The following ELAPOR1 variants were observed in gnomAD, a reference collection of about 807,000 sequenced individuals.
The protein encoded by ELAPOR1 is endosome-lysosome associated apoptosis and autophagy regulator 1, also known as endosome/lysosome-associated apoptosis and autophagy regulator 1.
In ELAPOR1, 77 loss-of-function variants were observed where a neutral mutation model predicts 119.7. The observed-to-expected ratio is 0.64, with a 90% CI of 0.54 to 0.78. ELAPOR1 has a LOEUF of 0.78. Ranked by LOEUF, ELAPOR1 falls within the 30% of genes least tolerant of loss-of-function variation. The probability of loss-of-function intolerance (pLI) is 0.00; values close to 1 mark genes in which losing one functional copy is unlikely to be tolerated. For synonymous variants in ELAPOR1, 481 were observed against 487.2 expected, an observed-to-expected ratio of 0.99 and a Z score of 0.17; for missense variants, 1,115 against 1,270.4, an observed-to-expected ratio of 0.88 and a Z score of 1.86.
chr1:109,192,971 C>A, intron 14 of ELAPOR1, 97 bp downstream of exon 14: 1 of 1,348,244 alleles, frequency 7.4e-7, no homozygotes, highest in Non-Finnish European at 1.0e-6. Flanking sequence ...AGGCTGATAC[C>A]CGAGTGCTCC....
chr1:109,160,544 T>C (rs1396253564), intron 1 of ELAPOR1, among the ~76,000 whole-genome samples: 1 of 152,242 alleles, frequency 6.6e-6, no homozygotes, highest in African/African-American at 2.4e-5. Context: ...TGTGTTTACC[T>C]ATCCCCAAAA....
intron 2 of ELAPOR1, among the ~76,000 whole-genome samples, chr1:109,163,814 A>G (rs1038102293): frequency 6.6e-6 from 1 of 152,200 alleles, no homozygotes; most frequent in African/African-American, 2.4e-5. Flanking sequence ...TCCACCTAGC[A>G]TGGTGGCAGT....
chr1:109,132,124 T>G (rs1649185757), intron 1 of ELAPOR1, among the ~76,000 whole-genome samples: 2 of 152,208 alleles, frequency 1.3e-5, no homozygotes, highest in African/African-American at 2.4e-5. Flanking sequence ...AACTTATTCA[T>G]TTATTCAAAA....
intron 1 of ELAPOR1, 71 bp downstream of exon 1, chr1:109,114,407 C>T: frequency 6.9e-7 from 1 of 1,457,022 alleles, no homozygotes. Context: ...ACCTTGGGGA[C>T]CCAGGCGCAG....
rs771181312 is a variant in ELAPOR1 at position 109,197,589 on chromosome 1, C to T, written c.2237C>T (p.Pro746Leu). 33 of 1,614,098 alleles carry T rather than the reference C, an allele frequency of 2.0e-5. No individual in the cohort carries two copies. The highest frequency in any genetic ancestry group is 3.3e-4 in the Middle Eastern group (2 of 6,084). The part of the protein sequence containing the change: ...AYVCQAVIIP[P>L]EVTGYKAGVS... ...GTCTGCCAGGCAGTCATCATCCCCC[C>T]AGAGGTGACAGGCTACAAGGCCGGG... The change falls in exon 16 of 22, where the codon CCA (proline) becomes CTA (leucine). Residue 746 changes from proline (P) to leucine (L), a missense_variant. Physicochemically the swap from Pro to Leu is moderately conservative, Grantham distance 98. Transcript: ENST00000369939.
chr1:109,190,645 G>A (rs1047380688), intron 11 of ELAPOR1, among the ~76,000 whole-genome samples: 1 of 152,186 alleles, frequency 6.6e-6, no homozygotes, highest in African/African-American at 2.4e-5. Context: ...TGCAAGGTGA[G>A]CAAACTTTTT....
intron 2 of ELAPOR1, among the ~76,000 whole-genome samples, chr1:109,163,924 C>T (rs1427289439): frequency 6.6e-6 from 1 of 152,142 alleles, no homozygotes; most frequent in African/African-American, 2.4e-5. Flanking sequence ...TTGGCATCTT[C>T]TTCACCAGAG....
In ELAPOR1 at chr1:109,121,989, A is replaced by G. The variant is rs548186000; in HGVS notation, c.153+7653A>G. Among the ~76,000 whole-genome samples the G allele has an allele frequency of 1.9e-4, 29 of 151,280 alleles. No individual in the cohort carries two copies. The South Asian group carries it at 3.6e-3, about 19-fold the overall frequency. On this transcript the variant is annotated intron_variant, in intron 1 of 21. Coordinates refer to ENST00000369939, the MANE Select transcript of ELAPOR1 (RefSeq NM_020775.5). ...GGGTTACATCATATTGGCTAGGCTG[A>G]TCTCAAACTCCTGACCTTGTGATCC...
At chr1:109,201,213 C>T in intron 21 of ELAPOR1, 1 of 480,494 alleles carries the variant, frequency 2.1e-6, no homozygotes. Flanking sequence ...GAATCATCCC[C>T]TACTCCTTTT....
chr1:109,117,145 G>C (rs1448063893), intron 1 of ELAPOR1, among the ~76,000 whole-genome samples: 1 of 152,228 alleles, frequency 6.6e-6, no homozygotes, highest in Non-Finnish European at 1.5e-5. Flanking sequence ...GATGTAATCA[G>C]GAAACGGAGA....
At chr1:109,197,139 GAAA>G (rs35880289) in intron 15 of ELAPOR1, among the ~76,000 whole-genome samples, 5 of 132,702 alleles carry the variant, frequency 3.8e-5, no homozygotes, top group Non-Finnish European at 4.8e-5. Context: ...CTATCTTTAC[GAAA>G]AAAAAAAAAA....
chr1:109,118,900 C>CTTTTTT (rs777752743), intron 1 of ELAPOR1, among the ~76,000 whole-genome samples: 2,086 of 128,126 alleles, frequency 0.016, 134 homozygotes, highest in African/African-American at 0.06. Context: ...TTTGGTTCTT[C>CTTTTTT]TTTTTTTTTT....
chr1:109,145,130 G>A (rs543009802), intron 1 of ELAPOR1, among the ~76,000 whole-genome samples: 118 of 152,102 alleles, frequency 7.8e-4, no homozygotes, highest in Middle Eastern at 3.4e-3. Flanking sequence ...AATGGGATTA[G>A]GTACCCTTAT....
At chr1:109,115,204 A>G (rs1447231080) in intron 1 of ELAPOR1, among the ~76,000 whole-genome samples, 4 of 152,224 alleles carry the variant, frequency 2.6e-5, no homozygotes, top group Admixed American at 2.0e-4. Context: ...TTATTGAAAT[A>G]ACAATATTTG....
At chr1:109,172,465 G>A (rs751147022) in intron 4 of ELAPOR1, 23 bp from the exon 5 acceptor site, 1 of 1,586,954 alleles carries the variant, frequency 6.3e-7, no homozygotes. Context: ...TGAGACTCTG[G>A]TCCCAAACTC....
At chr1:109,122,544 C>A (rs1436713741) in intron 1 of ELAPOR1, among the ~76,000 whole-genome samples, 1 of 151,402 alleles carries the variant, frequency 6.6e-6, no homozygotes, top group East Asian at 2.0e-4. Flanking sequence ...GCCTGTAGAC[C>A]CAGACACTAG....
At chr1:109,176,322 GGAGA>G (rs1441899916) in intron 7 of ELAPOR1, among the ~76,000 whole-genome samples, 1 of 152,126 alleles carries the variant, frequency 6.6e-6, no homozygotes, top group Non-Finnish European at 1.5e-5. Context: ...AAACAAGAAG[GGAGA>G]GAGAAGCAGT....
rs768127993 is a variant in ELAPOR1, at chr1:109,205,031, C to G, written c.*2019C>G. ...TTCTGGTCCAATTTCTGGCAACATC[C>G]CTTCTGAAAGGTGAGTAGAGTGGGT... On this transcript the variant is annotated 3_prime_UTR_variant, in exon 22 of 22. Coordinates refer to ENST00000369939, the MANE Select transcript of ELAPOR1 (RefSeq NM_020775.5). 13 of 152,192 alleles carry G rather than the reference C, an allele frequency of 8.5e-5. No homozygotes were observed. The highest frequency in any genetic ancestry group is 1.5e-4 in the Non-Finnish European group (10 of 68,032). 9.4% of individuals were successfully genotyped at this position (152,192 alleles called of 1,614,324 possible).
intron 14 of ELAPOR1, among the ~76,000 whole-genome samples, 156 bp downstream of exon 14, chr1:109,193,030 G>C (rs1653552809): frequency 6.6e-6 from 1 of 152,074 alleles, no homozygotes; most frequent in African/African-American, 2.4e-5. Flanking sequence ...CATCCAGGCT[G>C]TGACTGTGGA....
Sources: allele counts gnomAD v4.1 joint callset (sites outside exome capture counted in the v4.1 genomes callset), GRCh38; gene constraint gnomAD v4.1.1; transcripts MANE v1.5; gene names NCBI Gene and HGNC (gene_info 2026-07-23, HGNC 2026-07-21).